The following UBP1 variants were observed in gnomAD, a reference collection of about 807,000 sequenced individuals.
The protein encoded by UBP1 is upstream binding protein 1, also known as upstream-binding protein 1.
Under a neutral mutation model 76.1 loss-of-function variants are expected in UBP1, and 22 were observed. The ratio of observed to expected loss-of-function variants is 0.29; its 90% CI spans 0.21 to 0.41. The LOEUF (loss-of-function observed/expected upper bound fraction) is 0.41, where lower values mean the gene tolerates loss of function less well. UBP1 is among the 10% of genes least tolerant of loss of function. The pLI is 1.00. For synonymous variants in UBP1, 224 were observed against 237.1 expected (o/e 0.94, Z 0.51); for missense variants, 436 against 668.1 (o/e 0.65, Z 3.83).
At chr3:33,404,136 G>A (rs2044348559) in intron 8 of UBP1, among the ~76,000 whole-genome samples, 1 of 152,182 alleles carries the variant, frequency 6.6e-6, no homozygotes, top group East Asian at 1.9e-4. Context: ...AATGAGGCCG[G>A]GCGCGGTGGC....
chr3:33,418,315 G>A lies in UBP1; in HGVS notation c.266-1481C>T, dbSNP rs183854429. ...GTCGCCCAGGCTGGAATGCAGTGGC[G>A]CAATCTCGGCTCACTGCAACCTCCA... is the stretch of plus-strand genomic sequence containing the variant. On this transcript the variant is annotated intron_variant, in intron 2 of 15. Coordinates refer to ENST00000283629, the MANE Select transcript of UBP1 (RefSeq NM_014517.5). 5.6e-3 allele frequency among the ~76,000 whole-genome samples: 848 copies of A among 152,014 alleles called. 33 individuals are homozygous for A. The highest frequency in any genetic ancestry group is 2.4e-3 in the East Asian group (12 of 5,072).
At position 33,389,353 on chromosome 3, in the gene UBP1, A is replaced by G. The variant is rs1316293598; in HGVS notation, c.*978T>C. 6.6e-6 allele frequency: 1 copy of G among 152,380 alleles called. No individual in the cohort carries two copies. Among genetic ancestry groups the G allele is most frequent in the African/African-American group, 2.4e-5 (1 of 41,338 alleles). 9.4% of individuals were successfully genotyped at this position (152,380 alleles called of 1,614,324 possible). ...CAGAAAAAAATTCATCTTGTTCATAATGAAGATCCCTTAACACCTAGTCAG... is the reference window on the plus strand; with the variant it reads ...CAGAAAAAAATTCATCTTGTTCATAGTGAAGATCCCTTAACACCTAGTCAG... On this transcript the variant is annotated 3_prime_UTR_variant, in exon 16 of 16. Coordinates refer to ENST00000283629, the MANE Select transcript of UBP1 (RefSeq NM_014517.5).
chr3:33,391,486 C>A (rs116770014), intron 15 of UBP1: 6 of 152,198 alleles, frequency 3.9e-5, no homozygotes, highest in Admixed American at 3.3e-4. Flanking sequence ...TCCAAATTTA[C>A]ATCTCAAGCC....
At chr3:33,434,401 C>G (rs757901190) in intron 1 of UBP1, among the ~76,000 whole-genome samples, 111 of 148,586 alleles carry the variant, frequency 7.5e-4, no homozygotes, top group African/African-American at 2.6e-3. Flanking sequence ...CGGGCACAGG[C>G]AATTCTCCTG....
At chr3:33,404,560 T>C (rs1010913843) in intron 8 of UBP1, among the ~76,000 whole-genome samples, 1 of 151,086 alleles carries the variant, frequency 6.6e-6, no homozygotes, top group African/African-American at 2.4e-5. Flanking sequence ...GACAGGAGAA[T>C]TGCTTGAATC....
chr3:33,404,858 C>A (rs1045125841), intron 8 of UBP1, among the ~76,000 whole-genome samples: 1 of 151,668 alleles, frequency 6.6e-6, no homozygotes, highest in African/African-American at 2.4e-5. Context: ...ATGACACTAC[C>A]GAAAGAAAAA....
intron 3 of UBP1, chr3:33,416,156 C>T (rs1422061538): frequency 6.6e-6 from 1 of 152,154 alleles, no homozygotes; most frequent in Non-Finnish European, 1.5e-5. Flanking sequence ...CTTAGTTAGC[C>T]ACATGAGGTT....
intron 2 of UBP1, among the ~76,000 whole-genome samples, chr3:33,422,702 G>A (rs1483794810): frequency 7.0e-6 from 1 of 142,064 alleles, no homozygotes; most frequent in African/African-American, 2.6e-5. Context: ...TCCAGTCTGG[G>A]TGACAGAGCA....
At position 33,439,687 on chromosome 3, in the gene UBP1, G is replaced by C. The variant is rs1394842876; in HGVS notation, c.113+49C>G. ...CTGGCAGAGACTCAGGGCTGCGCAG[G>C]CCTTCCCCAAGGAGACAGAGGCTTC... On this transcript the variant is annotated intron_variant, in intron 1 of 15. Coordinates refer to ENST00000283629, the MANE Select transcript of UBP1 (RefSeq NM_014517.5). 4 of 1,590,334 alleles carry C rather than the reference G, an allele frequency of 2.5e-6. No individual in the cohort carries two copies. In the East Asian group the frequency reaches 9.1e-5, roughly 36 times the overall value.
chr3:33,434,076 A>G (rs948111044), intron 1 of UBP1, among the ~76,000 whole-genome samples: 1 of 152,172 alleles, frequency 6.6e-6, no homozygotes, highest in Non-Finnish European at 1.5e-5. Flanking sequence ...CAAGTTTAGG[A>G]GACCATATCA....
Position 33,404,462 on chromosome 3 carries a change from A to T in UBP1, c.928-1558T>A, listed in dbSNP as rs2044360519. On this transcript the variant is annotated intron_variant, in intron 8 of 15. Transcript: ENST00000283629. ...GTAAATATAATGAAGACTCTCCCAA[A>T]GCCAAGCTAAAGATAATAGGATTAA... Among the ~76,000 whole-genome samples, 3 of 150,130 alleles carry T rather than the reference A, an allele frequency of 2.0e-5. 1 individual carries two copies. The South Asian group carries it at 6.3e-4, about 32-fold the overall frequency.
rs1313285948 is a variant in UBP1 at position 33,413,781 on chromosome 3, C to T, written c.343-954G>A. 7.9e-5 allele frequency among the ~76,000 whole-genome samples: 12 copies of T among 152,098 alleles called. 1 individual carries two copies. The highest frequency in any genetic ancestry group is 7.9e-4 in the Admixed American group (12 of 15,272). On this transcript the variant is annotated intron_variant, in intron 3 of 15. Coordinates refer to ENST00000283629, the MANE Select transcript of UBP1 (RefSeq NM_014517.5). ...TTTATTCCCATCTTCCTTACCTGCA[C>T]CCACACCTGCAGGGCCTGTCCAAGC...
chr3:33,412,002 C>T (rs1029527663), intron 4 of UBP1, among the ~76,000 whole-genome samples: 2 of 151,996 alleles, frequency 1.3e-5, no homozygotes, highest in South Asian at 4.2e-4. Context: ...GCCTGGCGAA[C>T]ATGGTGAAAC....
At chr3:33,411,090 A>AAG (rs1559680570) in intron 5 of UBP1, among the ~76,000 whole-genome samples, 3 of 151,520 alleles carry the variant, frequency 2.0e-5, no homozygotes, top group African/African-American at 7.3e-5. Flanking sequence ...AAAAAAAAAA[A>AAG]GTGCTCCAAG....
intron 8 of UBP1, among the ~76,000 whole-genome samples, chr3:33,406,891 AC>A (rs1368779828): frequency 6.6e-6 from 1 of 152,238 alleles, no homozygotes; most frequent in Non-Finnish European, 1.5e-5. Context: ...GTTTTGTTGT[AC>A]GGCATCTCCT....
intron 1 of UBP1, 61 bp downstream of exon 1, chr3:33,439,675 A>C: frequency 1.3e-6 from 2 of 1,561,658 alleles, no homozygotes; most frequent in Middle Eastern, 1.7e-4. Flanking sequence ...GCAGAGACTC[A>C]GGGCTGCGCA....
At chr3:33,428,607 A>G (rs933989045) in intron 1 of UBP1, among the ~76,000 whole-genome samples, 2 of 151,702 alleles carry the variant, frequency 1.3e-5, no homozygotes, top group East Asian at 3.9e-4. Context: ...GTGCTAAACG[A>G]CTCCTGAACA....
intron 12 of UBP1, 40 bp downstream of exon 12, chr3:33,397,005 T>G (rs1382326700): frequency 6.5e-7 from 1 of 1,549,638 alleles, no homozygotes; most frequent in Non-Finnish European, 8.9e-7. Flanking sequence ...CGAAGAAAGG[T>G]ACATTCTTAT....
rs1478437308 is a variant in UBP1, at chr3:33,389,470, G to A, written c.*861C>T. 6.6e-6 allele frequency: 1 copy of A among 151,404 alleles called. No individual in the cohort carries two copies. Among genetic ancestry groups the A allele is most frequent in the Admixed American group, 6.6e-5 (1 of 15,166 alleles). 9.4% of individuals were successfully genotyped at this position (151,404 alleles called of 1,614,324 possible). ...TTTAAAAATGTTTAATAGGATGGTG[G>A]GGGTGGGGGGTTAGGGTGGGGGTGG... On this transcript the variant is annotated 3_prime_UTR_variant, in exon 16 of 16. Transcript: ENST00000283629.
Sources: allele counts gnomAD v4.1 joint callset (sites outside exome capture counted in the v4.1 genomes callset), GRCh38; gene constraint gnomAD v4.1.1; transcripts MANE v1.5; gene names NCBI Gene and HGNC (gene_info 2026-07-23, HGNC 2026-07-21).